The following CCSER1 variants were observed in gnomAD, a reference collection of about 807,000 sequenced individuals.
The protein encoded by CCSER1 is serine-rich coiled-coil domain-containing protein 1.
Under a neutral mutation model 82.0 loss-of-function variants are expected in CCSER1, and 41 were observed. The observed-to-expected ratio is 0.50, with a 90% confidence interval of 0.39 to 0.65. CCSER1 has a LOEUF of 0.65. Ranked by LOEUF, CCSER1 falls within the 30% of genes least tolerant of loss-of-function variation. The pLI is 0.00. For missense variants in CCSER1, 1,119 were observed against 1,064.2 expected, an observed-to-expected ratio of 1.05 and a Z score of -0.72; for synonymous variants, 414 against 383.9, an observed-to-expected ratio of 1.08 and a Z score of -0.92.
intron 9 of CCSER1, among the ~76,000 whole-genome samples, chr4:91,014,982 TG>T (rs1165315394): frequency 8.5e-6 from 1 of 117,378 alleles, no homozygotes; most frequent in Admixed American, 8.0e-5. Context: ...TCTTCAAAAT[TG>T]TTTTTTTTTA....
chr4:90,993,490 T>TCC (rs1737218637), intron 9 of CCSER1, among the ~76,000 whole-genome samples: 1 of 152,018 alleles, frequency 6.6e-6, no homozygotes, highest in African/African-American at 2.4e-5. Context: ...TCTTCTAGAA[T>TCC]GTAAGCTTCT....
intron 10 of CCSER1, among the ~76,000 whole-genome samples, chr4:91,562,745 T>A (rs1762712831): frequency 6.6e-6 from 1 of 151,642 alleles, no homozygotes; most frequent in South Asian, 2.1e-4. Flanking sequence ...AAAATTATTT[T>A]GAAATGGCAA....
chr4:90,703,413 T>G (rs1300679262), intron 6 of CCSER1, among the ~76,000 whole-genome samples: 2 of 152,330 alleles, frequency 1.3e-5, no homozygotes, highest in East Asian at 3.9e-4. Flanking sequence ...AATTTTGGAA[T>G]AAGTGCAGTG....
chr4:91,306,063 G>GTGTGTGTA (rs2149246444), intron 10 of CCSER1, among the ~76,000 whole-genome samples: 1 of 142,164 alleles, frequency 7.0e-6, no homozygotes, highest in Admixed American at 6.8e-5. Flanking sequence ...GTGTGTTTGT[G>GTGTGTGTA]TGTGTGTGTG....
intron 5 of CCSER1, among the ~76,000 whole-genome samples, chr4:90,622,256 C>A (rs559500241): frequency 7.2e-4 from 110 of 151,788 alleles, no homozygotes; most frequent in African/African-American, 2.5e-3. Context: ...GTTTCTCTGG[C>A]GACCTGATGT....
intron 4 of CCSER1, among the ~76,000 whole-genome samples, chr4:90,402,204 A>G (rs1752967644): frequency 6.6e-6 from 1 of 152,230 alleles, no homozygotes; most frequent in African/African-American, 2.4e-5. Context: ...GATAAATGGC[A>G]TGATAAAATA....
At chr4:90,885,069 C>A (rs1322720868) in intron 8 of CCSER1, among the ~76,000 whole-genome samples, 1 of 152,010 alleles carries the variant, frequency 6.6e-6, no homozygotes, top group South Asian at 2.1e-4. Flanking sequence ...TAATAAAGAA[C>A]TAAAGGTAAA....
At chr4:90,421,349 G>A (rs956030387) in intron 4 of CCSER1, among the ~76,000 whole-genome samples, 1 of 152,088 alleles carries the variant, frequency 6.6e-6, no homozygotes, top group Non-Finnish European at 1.5e-5. Flanking sequence ...CACATTTTCT[G>A]TACCCTTACA....
chr4:90,878,256 A>G (rs1417753585), intron 8 of CCSER1, among the ~76,000 whole-genome samples: 1 of 152,124 alleles, frequency 6.6e-6, no homozygotes, highest in South Asian at 2.1e-4. Context: ...CTCCATAACC[A>G]TGAGCCCCTG....
chr4:90,769,054 A>C lies in CCSER1; in HGVS notation c.2010+45063A>C, dbSNP rs533913920. On this transcript the variant is annotated intron_variant, in intron 7 of 10. Coordinates refer to ENST00000509176, the MANE Select transcript of CCSER1 (RefSeq NM_001145065.2). ...ACATAAAATCTTTTGTCAAGACCTC[A>C]GAAAGATTAAAGCTGGTGACTCAGA... Among the ~76,000 whole-genome samples the C allele has an allele frequency of 2.0e-5, 3 of 152,338 alleles. No homozygotes were observed. The South Asian group carries it at 6.2e-4, about 32-fold the overall frequency.
chr4:91,477,876 G>C (rs962238555), intron 10 of CCSER1, among the ~76,000 whole-genome samples: 2 of 151,658 alleles, frequency 1.3e-5, no homozygotes, highest in African/African-American at 4.8e-5. Context: ...AGATATCTTT[G>C]AGCTAGAGGG....
chr4:90,172,783 G>A (rs1408898709), intron 1 of CCSER1, among the ~76,000 whole-genome samples: 1 of 151,832 alleles, frequency 6.6e-6, no homozygotes, highest in Non-Finnish European at 1.5e-5. Context: ...AGCTACGTTT[G>A]AAATAGTAAA....
intron 10 of CCSER1, among the ~76,000 whole-genome samples, chr4:91,484,443 T>C (rs1758112413): frequency 6.6e-6 from 1 of 152,170 alleles, no homozygotes; most frequent in South Asian, 2.1e-4. Flanking sequence ...ATTTATTTAC[T>C]AAACAAAATC....
At chr4:91,305,070 TTTTC>T (rs1744946579) in intron 10 of CCSER1, among the ~76,000 whole-genome samples, 1 of 152,012 alleles carries the variant, frequency 6.6e-6, no homozygotes, top group South Asian at 2.1e-4. Flanking sequence ...AATTTGAATC[TTTTC>T]ATTCTCCCTA....
chr4:91,583,872 A>G (rs1003505062), intron 10 of CCSER1, among the ~76,000 whole-genome samples: 2 of 151,356 alleles, frequency 1.3e-5, no homozygotes, highest in Non-Finnish European at 3.0e-5. Context: ...GATGAACTTG[A>G]AAAGGACATA....
At chr4:91,117,539 T>C (rs1726725541) in intron 10 of CCSER1, among the ~76,000 whole-genome samples, 2 of 152,222 alleles carry the variant, frequency 1.3e-5, no homozygotes, top group Non-Finnish European at 2.9e-5. Context: ...GTACTTCAAT[T>C]CAATGAAGTT....
chr4:90,395,731 A>G (rs1290067465), intron 3 of CCSER1, among the ~76,000 whole-genome samples: 3 of 150,526 alleles, frequency 2.0e-5, no homozygotes, highest in Admixed American at 1.3e-4. Context: ...TCACAAAATG[A>G]TTTTCTTTTT....
Position 91,599,343 on chromosome 4 carries a change from A to T in CCSER1, c.*286A>T, listed in dbSNP as rs941787708. The T allele has an allele frequency of 1.2e-5, 3 of 251,620 alleles. No homozygotes were observed. The highest frequency in any genetic ancestry group is 2.3e-5 in the African/African-American group (1 of 43,418). The allele number at this position is 251,620 out of a possible 1,614,324, so 15.6% of individuals were successfully genotyped here. ...TGATCGTTTATATAGTCCATAATTT[A>T]TTTATTTTTTATCTCTATCACTTAC... is the stretch of plus-strand genomic sequence containing the variant. On this transcript the variant is annotated 3_prime_UTR_variant, in exon 11 of 11. Coordinates refer to ENST00000509176, the MANE Select transcript of CCSER1 (RefSeq NM_001145065.2).
intron 5 of CCSER1, among the ~76,000 whole-genome samples, chr4:90,528,046 T>C (rs1380701384): frequency 6.6e-6 from 1 of 152,180 alleles, no homozygotes; most frequent in Non-Finnish European, 1.5e-5. Flanking sequence ...CAGTTATTTA[T>C]AACAAAATTT....
Sources: gnomAD v4.1 joint callset for allele counts (sites outside exome capture counted in the v4.1 genomes callset) on GRCh38, gnomAD v4.1.1 for gene constraint, MANE v1.5 for transcripts, NCBI Gene and HGNC (gene_info 2026-07-23, HGNC 2026-07-21) for gene names.